XDH: variants seen among roughly 807,000 people sequenced by gnomAD.
The protein encoded by XDH is xanthine dehydrogenase/oxidase.
XDH carries 138 observed loss-of-function variants against 156.1 expected under a neutral mutation model. The observed-to-expected ratio is 0.88, with a 90% CI of 0.77 to 1.02. The LOEUF (loss-of-function observed/expected upper bound fraction) is 1.02, where lower values mean the gene tolerates loss of function less well. Ranked by LOEUF, XDH falls within the 50% of genes least tolerant of loss-of-function variation. The probability of loss-of-function intolerance (pLI) is 0.00; values close to 1 mark genes in which losing one functional copy is unlikely to be tolerated. For missense variants in XDH, 1,849 were observed against 1,684.9 expected (o/e 1.10, Z -1.71); for synonymous variants, 669 against 625.7 (o/e 1.07, Z -1.03).
chr2:31,356,923 C>A (rs145709495), intron 24 of XDH, among the ~76,000 whole-genome samples: 114 of 152,198 alleles, frequency 7.5e-4, no homozygotes, highest in Middle Eastern at 3.4e-3. Context: ...AATAGAAAGC[C>A]TCAGGATACA....
chr2:31,372,185 C>A, intron 17 of XDH, 43 bp downstream of exon 17: 3 of 1,613,998 alleles, frequency 1.9e-6, no homozygotes, highest in East Asian at 2.2e-5. Context: ...CCCAGTGGCC[C>A]CCTCACAGCA....
chr2:31,405,273 T>C (rs949290143), intron 2 of XDH, among the ~76,000 whole-genome samples: 3 of 152,102 alleles, frequency 2.0e-5, no homozygotes, highest in Admixed American at 1.3e-4. Context: ...TAACTCCAAT[T>C]ATTATTATCG....
At position 31,405,922 on chromosome 2, in the gene XDH, A is replaced by G. The variant is rs767000510; in HGVS notation, c.85T>C (p.Tyr29His). 1.9e-6 allele frequency: 3 copies of G among 1,614,174 alleles called. No homozygotes were observed. In the South Asian group the frequency reaches 3.3e-5, roughly 18 times the overall value. Residue 29 changes from tyrosine to histidine, a missense_variant, in exon 2 of 36, where the codon TAC becomes CAC. By Grantham distance (83) the Tyr-to-His change is moderately conservative. Transcript: ENST00000379416. ...NADPETTLLA[Y>H]LRRKLGLSGT... ...GTCAGGATACACTTTCTTCTCAGGT[A>G]GGCCAAAAGGGTTGTCTCTGGATCT...
At chr2:31,354,758 G>A (rs1685580137) in intron 24 of XDH, among the ~76,000 whole-genome samples, 1 of 150,486 alleles carries the variant, frequency 6.6e-6, no homozygotes, top group Non-Finnish European at 1.5e-5. Flanking sequence ...AATATGGAAT[G>A]AAAAAAAAAT....
At chr2:31,403,713 T>C (rs1687124084) in intron 2 of XDH, among the ~76,000 whole-genome samples, 1 of 152,148 alleles carries the variant, frequency 6.6e-6, no homozygotes, top group Admixed American at 6.5e-5. Flanking sequence ...AATAGAGTGG[T>C]TTTTTTAGGT....
At chr2:31,408,076 G>T (rs1008856817) in intron 1 of XDH, among the ~76,000 whole-genome samples, 1 of 152,042 alleles carries the variant, frequency 6.6e-6, no homozygotes, top group African/African-American at 2.4e-5. Flanking sequence ...ACATATTCAA[G>T]GTAACATCCA....
At chr2:31,365,577 A>G in intron 22 of XDH, 33 bp from the exon 23 acceptor site, 6 of 1,610,386 alleles carry the variant, frequency 3.7e-6, no homozygotes, top group Non-Finnish European at 5.1e-6. Context: ...GAAGCCTGTG[A>G]GCCTTCAACA....
intron 24 of XDH, among the ~76,000 whole-genome samples, chr2:31,358,095 T>C (rs1041259991): frequency 1.3e-5 from 2 of 152,124 alleles, no homozygotes; most frequent in African/African-American, 4.8e-5. Flanking sequence ...GCTGACGTAA[T>C]AGACATCTAC....
chr2:31,375,238 C>T, intron 15 of XDH, 142 bp downstream of exon 15: 2 of 1,165,926 alleles, frequency 1.7e-6, no homozygotes, highest in African/African-American at 1.5e-5. Flanking sequence ...CTCCCATTTC[C>T]AAGATTCTTG....
chr2:31,335,877 G>A lies in XDH; in HGVS notation c.*81C>T. On this transcript the variant is annotated 3_prime_UTR_variant, in exon 36 of 36. Coordinates refer to ENST00000379416, the MANE Select transcript of XDH (RefSeq NM_000379.4). ...GGTCTGTCATTCTGTGACTTTAATAGATCCATGTTCTGTGGTATGTTCCTC... is the reference window on the plus strand; with the variant it reads ...GGTCTGTCATTCTGTGACTTTAATAAATCCATGTTCTGTGGTATGTTCCTC... 2.7e-6 allele frequency: 4 copies of A among 1,482,712 alleles called. No individual in the cohort carries two copies. Among genetic ancestry groups the A allele is most frequent in the Non-Finnish European group, 3.8e-6 (4 of 1,060,558 alleles). The allele number at this position is 1,482,712 out of a possible 1,614,324, so 91.8% of individuals were successfully genotyped here.
intron 9 of XDH, among the ~76,000 whole-genome samples, chr2:31,385,773 G>A (rs995063437): frequency 6.6e-6 from 1 of 152,212 alleles, no homozygotes; most frequent in African/African-American, 2.4e-5. Flanking sequence ...AGCACTGACA[G>A]GGCAGGTGGC....
intron 13 of XDH, among the ~76,000 whole-genome samples, chr2:31,378,127 G>A (rs368250955): frequency 0.039 from 1,843 of 46,676 alleles, 32 homozygotes; most frequent in Admixed American, 0.069. Context: ...AGGAAGGAAG[G>A]AAGGAAGGAA....
intron 8 of XDH, 39 bp downstream of exon 8, chr2:31,387,772 T>C (rs941892554): frequency 9.8e-6 from 15 of 1,536,086 alleles, no homozygotes; most frequent in Non-Finnish European, 1.3e-5. Flanking sequence ...GGACTCACAG[T>C]ACAGACCCGG....
chr2:31,337,555 T>C lies in XDH; in HGVS notation c.3951+86A>G, dbSNP rs1410171915. The C allele has an allele frequency of 3.1e-6, 5 of 1,602,352 alleles. No homozygotes were observed. The African/African-American group carries it at 6.7e-5, about 21-fold the overall frequency. On this transcript the variant is annotated intron_variant, in intron 35 of 35. Coordinates refer to ENST00000379416, the MANE Select transcript of XDH (RefSeq NM_000379.4). ...CCCGGTTAGGAGAGAGCCCAACACC[T>C]CTCCTCTGTGCAGAACCTTCCCTGC... is the stretch of plus-strand genomic sequence containing the variant.
intron 31 of XDH, 88 bp downstream of exon 31, chr2:31,344,596 C>G: frequency 2.0e-6 from 3 of 1,489,916 alleles, no homozygotes; most frequent in Middle Eastern, 1.9e-4. Context: ...CTCCTGACCA[C>G]AGCCTGGCAG....
At chr2:31,398,549 T>C in intron 5 of XDH, 24 bp downstream of exon 5, 1 of 1,613,412 alleles carries the variant, frequency 6.2e-7, no homozygotes, top group Non-Finnish European at 8.5e-7. Flanking sequence ...TTCCACCTCC[T>C]AGGCTGTGCC....
In XDH at chr2:31,335,781, C is replaced by A. The variant is rs1250262646; in HGVS notation, c.*177G>T. The stretch of plus-strand genomic sequence containing the variant: ...TTGAATTTGCTTATCATTGTGTTTA[C>A]AAATTACATTTTTGATCAAAATCTT... On this transcript the variant is annotated 3_prime_UTR_variant, in exon 36 of 36. Transcript: ENST00000379416. 8 of 721,124 alleles carry A rather than the reference C, an allele frequency of 1.1e-5. No homozygotes were observed. The highest frequency in any genetic ancestry group is 1.9e-5 in the Non-Finnish European group (8 of 416,368). 44.7% of individuals were successfully genotyped at this position (721,124 alleles called of 1,614,324 possible).
intron 14 of XDH, 22 bp from the exon 15 acceptor site, chr2:31,375,576 G>A (rs779071009): frequency 1.2e-6 from 2 of 1,611,196 alleles, no homozygotes; most frequent in Non-Finnish European, 1.7e-6. Context: ...CAGGGCGTGG[G>A]ACAGCGCTCC....
intron 2 of XDH, among the ~76,000 whole-genome samples, chr2:31,405,377 C>T (rs1687166168): frequency 6.6e-6 from 1 of 151,816 alleles, no homozygotes; most frequent in South Asian, 2.1e-4. Flanking sequence ...TGAAGAGCAG[C>T]ACCCCAGTCT....
Sources: gnomAD v4.1 joint callset for allele counts (sites outside exome capture counted in the v4.1 genomes callset) on GRCh38, gnomAD v4.1.1 for gene constraint, MANE v1.5 for transcripts, NCBI Gene and HGNC (gene_info 2026-07-23, HGNC 2026-07-21) for gene names.